The following SORCS2 variants were observed in gnomAD, a reference collection of about 807,000 sequenced individuals.
SORCS2 encodes the protein sortilin related VPS10 domain containing receptor 2, also known as VPS10 domain-containing receptor SorCS2.
Under a neutral mutation model 141.6 loss-of-function variants are expected in SORCS2, and 100 were observed. The observed-to-expected ratio is 0.71, with a 90% confidence interval of 0.60 to 0.83. The LOEUF is 0.83. Ranked by LOEUF, SORCS2 falls within the 40% of genes least tolerant of loss-of-function variation. SORCS2 has a pLI of 0.00. For synonymous variants in SORCS2, 789 were observed against 676.9 expected, an observed-to-expected ratio of 1.17 and a Z score of -2.57; for missense variants, 1,646 against 1,560.2, an observed-to-expected ratio of 1.05 and a Z score of -0.93.
At chr4:7,483,774 C>T (rs1335857300) in intron 2 of SORCS2, among the ~76,000 whole-genome samples, 1 of 152,022 alleles carries the variant, frequency 6.6e-6, no homozygotes, top group Non-Finnish European at 1.5e-5. Context: ...GGAGGGAGAG[C>T]ATTACGACAA....
At chr4:7,506,887 G>T (rs191111862) in intron 2 of SORCS2, among the ~76,000 whole-genome samples, 5 of 152,300 alleles carry the variant, frequency 3.3e-5, no homozygotes, top group Middle Eastern at 3.4e-3. Context: ...GCATAGGTAA[G>T]TGCCATAAAT....
chr4:7,440,636 A>G (rs1727604123), intron 2 of SORCS2, among the ~76,000 whole-genome samples: 1 of 152,152 alleles, frequency 6.6e-6, no homozygotes, highest in South Asian at 2.1e-4. Context: ...AGACAGCACC[A>G]TCTTACCTGT....
chr4:7,192,993 G>T lies in SORCS2; in HGVS notation c.347G>T (p.Arg116Leu), dbSNP rs746580408. 7 of 1,444,774 alleles carry T rather than the reference G, an allele frequency of 4.8e-6. No homozygotes were observed. Among genetic ancestry groups the T allele is most frequent in the African/African-American group, 1.5e-5 (1 of 67,242 alleles). 89.5% of individuals were successfully genotyped at this position (1,444,774 alleles called of 1,614,324 possible). A position where few individuals can be genotyped will look rare whatever the true frequency, so the allele number is the denominator to read the frequency against. The change falls in exon 1 of 27, where the codon CGC (arginine) becomes CTC (leucine). Residue 116 changes from arginine (R) to leucine (L), a missense_variant. Coordinates refer to ENST00000507866, the MANE Select transcript of SORCS2 (RefSeq NM_020777.3). The surrounding 1 kb of genome is among the most constrained non-coding windows in gnomAD (Gnocchi z 4.0). Reference protein sequence around the residue: ...EDGAPAAGYRRWERAAPLAGV... With the variant: ...EDGAPAAGYRLWERAAPLAGV... ...GGCGCCCCCGCCGCGGGCTACCGGC[G>T]CTGGGAGCGGGCGGCGCCGCTGGCC...
intron 3 of SORCS2, among the ~76,000 whole-genome samples, chr4:7,571,773 A>G (rs1715413033): frequency 6.6e-6 from 1 of 152,216 alleles, no homozygotes; most frequent in Non-Finnish European, 1.5e-5. Context: ...ACGTTGAATT[A>G]TGGACGTCAT....
chr4:7,553,218 G>A (rs1213474505), intron 3 of SORCS2, among the ~76,000 whole-genome samples: 2 of 152,058 alleles, frequency 1.3e-5, no homozygotes, highest in Non-Finnish European at 2.9e-5. Context: ...ATGTGTGGGT[G>A]GTGGGGTGGT....
chr4:7,584,006 G>T (rs1716364352), intron 3 of SORCS2, among the ~76,000 whole-genome samples: 1 of 152,222 alleles, frequency 6.6e-6, no homozygotes, highest in African/African-American at 2.4e-5. Context: ...AATAAGACCT[G>T]CTCCCAGAGG....
rs945224419 is a variant in SORCS2 at position 7,328,781 on chromosome 4, G to T, written c.481-67507G>T. Among the ~76,000 whole-genome samples, 17 of 152,166 alleles carry T rather than the reference G, an allele frequency of 1.1e-4. 1 individual carries two copies. Among genetic ancestry groups the T allele is most frequent in the African/African-American group, 4.1e-4 (17 of 41,452 alleles). On this transcript the variant is annotated intron_variant, in intron 1 of 26. Transcript: ENST00000507866. ...TGCCACTCACCCAGTCTGTGGCCCC[G>T]ACCAGGGGCTACCCTCAGCACTTGC...
intron 2 of SORCS2, among the ~76,000 whole-genome samples, chr4:7,501,514 C>G (rs931583384): frequency 1.0e-4 from 7 of 67,472 alleles, no homozygotes; most frequent in Non-Finnish European, 5.5e-5. Flanking sequence ...AGGGCTGGCG[C>G]TGGTAACAGA....
chr4:7,524,416 G>A (rs1013450369), intron 2 of SORCS2, among the ~76,000 whole-genome samples: 4 of 152,024 alleles, frequency 2.6e-5, no homozygotes, highest in Non-Finnish European at 4.4e-5. Context: ...CAAGCCACGC[G>A]GGTTGTGGTA....
rs1436531984 is a variant in SORCS2, at chr4:7,539,397, C to T, written c.648+7768C>T. Among the ~76,000 whole-genome samples the T allele has an allele frequency of 2.6e-5, 4 of 152,224 alleles. No homozygotes were observed. In the East Asian group the frequency reaches 7.7e-4, roughly 29 times the overall value. ...TCAGGCCGAGCCAAGTCCCAGGCTC[C>T]TCTTGAGGCTGTGCCCATGTCCGCT... On this transcript the variant is annotated intron_variant, in intron 3 of 26. Transcript: ENST00000507866.
intron 1 of SORCS2, among the ~76,000 whole-genome samples, chr4:7,218,901 G>T (rs1306874433): frequency 1.3e-5 from 2 of 152,204 alleles, no homozygotes; most frequent in African/African-American, 4.8e-5. Flanking sequence ...TCATTCCACA[G>T]ATCTTACTGC....
intron 1 of SORCS2, among the ~76,000 whole-genome samples, chr4:7,371,616 C>T (rs967257076): frequency 2.0e-5 from 3 of 152,108 alleles, no homozygotes; most frequent in East Asian, 1.9e-4. Flanking sequence ...TGTGACATGC[C>T]GGCATCGTGA....
chr4:7,215,102 T>G (rs541149115), intron 1 of SORCS2, among the ~76,000 whole-genome samples: 2,129 of 152,092 alleles, frequency 0.014, 30 homozygotes, highest in Non-Finnish European at 0.017. Context: ...AGGAGCCCAC[T>G]CCCTCAGCTT....
intron 1 of SORCS2, among the ~76,000 whole-genome samples, chr4:7,380,727 A>G (rs1413033492): frequency 2.0e-5 from 3 of 152,188 alleles, no homozygotes; most frequent in Admixed American, 6.5e-5. Context: ...GTTACCTTCT[A>G]TGGATGACAA....
At chr4:7,693,896 G>T (rs1724424343) in intron 11 of SORCS2, among the ~76,000 whole-genome samples, 1 of 152,234 alleles carries the variant, frequency 6.6e-6, no homozygotes, top group Non-Finnish European at 1.5e-5. Flanking sequence ...GGTGGGGTTG[G>T]GAGCTGAACT....
chr4:7,612,544 C>T (rs1309867462), intron 3 of SORCS2, among the ~76,000 whole-genome samples: 1 of 152,074 alleles, frequency 6.6e-6, no homozygotes, highest in African/African-American at 2.4e-5. Context: ...CCCCAGCCCA[C>T]CAGGGGCCTC....
At chr4:7,362,122 G>C (rs1409675938) in intron 1 of SORCS2, among the ~76,000 whole-genome samples, 1 of 152,160 alleles carries the variant, frequency 6.6e-6, no homozygotes, top group East Asian at 1.9e-4. Flanking sequence ...GAAGGGCCTA[G>C]GGAACAGCCT....
At chr4:7,272,971 G>C (rs1257584086) in intron 1 of SORCS2, among the ~76,000 whole-genome samples, 1 of 152,244 alleles carries the variant, frequency 6.6e-6, no homozygotes, top group Non-Finnish European at 1.5e-5. Flanking sequence ...GACCAATGTG[G>C]TGGAGTTCAG....
intron 3 of SORCS2, among the ~76,000 whole-genome samples, chr4:7,601,013 GT>G (rs1273776657): frequency 2.0e-4 from 30 of 152,306 alleles, no homozygotes; most frequent in Non-Finnish European, 3.5e-4. Flanking sequence ...AGCCTCCTGA[GT>G]AGCTGGGATT....
Sources: allele counts gnomAD v4.1 joint callset (sites outside exome capture counted in the v4.1 genomes callset), GRCh38; gene constraint gnomAD v4.1.1; non-coding constraint Gnocchi (gnomAD v3.1); transcripts MANE v1.5; gene names NCBI Gene and HGNC (gene_info 2026-07-23, HGNC 2026-07-21).